ZCCHC7: variants seen among roughly 807,000 people sequenced by gnomAD.
The protein encoded by ZCCHC7 is zinc finger CCHC-type containing 7, also known as zinc finger CCHC domain-containing protein 7.
ZCCHC7 carries 35 observed loss-of-function variants against 52.0 expected under a neutral mutation model. That is an observed-to-expected ratio of 0.67 (90% confidence interval 0.51 to 0.89). ZCCHC7 has a LOEUF of 0.89. Among genes scored for constraint, ZCCHC7 ranks in the 40% least tolerant of loss-of-function variants. The pLI is 0.00. For missense variants in ZCCHC7, 574 were observed against 649.1 expected, an observed-to-expected ratio of 0.88 and a Z score of 1.26; for synonymous variants, 217 against 221.5, an observed-to-expected ratio of 0.98 and a Z score of 0.18.
At chr9:37,320,212 G>A (rs746751457) in intron 5 of ZCCHC7, among the ~76,000 whole-genome samples, 3 of 152,034 alleles carry the variant, frequency 2.0e-5, no homozygotes, top group Non-Finnish European at 4.4e-5. Context: ...TGAGTAGCTG[G>A]GATTACAGGC....
At chr9:37,211,977 A>C (rs1054870892) in intron 2 of ZCCHC7, among the ~76,000 whole-genome samples, 7 of 132,056 alleles carry the variant, frequency 5.3e-5, no homozygotes, top group Non-Finnish European at 9.4e-5. Flanking sequence ...CAGTGAGCCG[A>C]GATGGCGCCA....
intron 5 of ZCCHC7, among the ~76,000 whole-genome samples, chr9:37,307,647 C>T (rs1435371998): frequency 6.6e-6 from 1 of 151,774 alleles, no homozygotes; most frequent in East Asian, 1.9e-4. Flanking sequence ...TCTTACAGCC[C>T]TTTTTAATGC....
chr9:37,302,038 A>G, intron 2 of ZCCHC7, 150 bp from the exon 3 acceptor site: 1 of 646,748 alleles, frequency 1.5e-6, no homozygotes, highest in East Asian at 2.7e-5. Context: ...CATAATTAAT[A>G]ACAGAGCCAA....
chr9:37,278,539 G>T (rs1195040543), intron 2 of ZCCHC7, among the ~76,000 whole-genome samples: 6 of 152,128 alleles, frequency 3.9e-5, no homozygotes, highest in Non-Finnish European at 8.8e-5. Flanking sequence ...TGTGTCATTG[G>T]AGTCCCAGAA....
At chr9:37,194,518 T>G (rs1823185130) in intron 2 of ZCCHC7, among the ~76,000 whole-genome samples, 1 of 152,184 alleles carries the variant, frequency 6.6e-6, no homozygotes, top group African/African-American at 2.4e-5. Context: ...TGTGTGGGGT[T>G]AAGACAGACT....
intron 6 of ZCCHC7, among the ~76,000 whole-genome samples, chr9:37,341,607 G>C (rs1396439475): frequency 6.6e-6 from 1 of 152,118 alleles, no homozygotes; most frequent in Non-Finnish European, 1.5e-5. Flanking sequence ...GTTGAGTTTT[G>C]TTTGGTTGGT....
At chr9:37,328,537 T>G (rs1330040344) in intron 6 of ZCCHC7, among the ~76,000 whole-genome samples, 1 of 152,008 alleles carries the variant, frequency 6.6e-6, no homozygotes, top group Non-Finnish European at 1.5e-5. Context: ...CTTCTTTTAC[T>G]GTATTAAATA....
rs1481897426 is a variant in ZCCHC7, at chr9:37,126,293, A to G, written c.-21-19A>G. On this transcript the variant is annotated intron_variant, in intron 1 of 8. Transcript: ENST00000336755. ...TGAACTTTTAAAGTATATTCTGTGTACAACTTTCTCTTTTGCAGCTTCAAG... is the reference window on the plus strand; with the variant it reads ...TGAACTTTTAAAGTATATTCTGTGTGCAACTTTCTCTTTTGCAGCTTCAAG... 1.9e-6 allele frequency: 3 copies of G among 1,578,004 alleles called. No homozygotes were observed. The highest frequency in any genetic ancestry group is 1.8e-5 in the Admixed American group (1 of 54,882).
At chr9:37,289,069 C>CA (rs1828400389) in intron 2 of ZCCHC7, among the ~76,000 whole-genome samples, 1 of 152,128 alleles carries the variant, frequency 6.6e-6, no homozygotes, top group Admixed American at 6.5e-5. Flanking sequence ...TGTTCCTCTG[C>CA]ATTTTTTAGT....
chr9:37,123,221 G>C (rs1007337864), intron 1 of ZCCHC7, among the ~76,000 whole-genome samples: 1 of 126,742 alleles, frequency 7.9e-6, no homozygotes, highest in African/African-American at 2.6e-5. Flanking sequence ...GTGTGTGTGT[G>C]TGTGCGTGTG....
chr9:37,199,393 G>C (rs1823472775), intron 2 of ZCCHC7, among the ~76,000 whole-genome samples: 1 of 142,166 alleles, frequency 7.0e-6, no homozygotes, highest in Admixed American at 7.4e-5. Context: ...GTGCAATGGT[G>C]CGATCTCAGC....
chr9:37,254,994 C>A (rs1826514923), intron 2 of ZCCHC7, among the ~76,000 whole-genome samples: 1 of 151,614 alleles, frequency 6.6e-6, no homozygotes, highest in African/African-American at 2.4e-5. Flanking sequence ...ATCAGAAGAG[C>A]CTCTTGGGAT....
intron 5 of ZCCHC7, among the ~76,000 whole-genome samples, chr9:37,315,514 T>TAATC (rs1829778707): frequency 6.6e-6 from 1 of 152,068 alleles, no homozygotes; most frequent in African/African-American, 2.4e-5. Flanking sequence ...TATTATGAGC[T>TAATC]AATCAGCCTT....
intron 2 of ZCCHC7, among the ~76,000 whole-genome samples, chr9:37,182,384 C>T (rs1030984677): frequency 6.9e-6 from 1 of 145,048 alleles, no homozygotes; most frequent in African/African-American, 2.6e-5. Context: ...TGTAGTCTTG[C>T]TCTGTTGCCT....
At chr9:37,203,193 C>T (rs1250403809) in intron 2 of ZCCHC7, among the ~76,000 whole-genome samples, 2 of 152,152 alleles carry the variant, frequency 1.3e-5, no homozygotes, top group Admixed American at 6.5e-5. Flanking sequence ...TTACAGATTT[C>T]CTCATTTGTA....
intron 2 of ZCCHC7, among the ~76,000 whole-genome samples, chr9:37,206,219 G>A (rs572016596): frequency 1.9e-3 from 287 of 152,094 alleles, no homozygotes; most frequent in Admixed American, 4.3e-3. Flanking sequence ...TACTAAGCCA[G>A]AAAATTGATG....
intron 5 of ZCCHC7, among the ~76,000 whole-genome samples, chr9:37,312,932 C>T (rs978880487): frequency 6.6e-6 from 1 of 152,078 alleles, no homozygotes; most frequent in African/African-American, 2.4e-5. Flanking sequence ...AAAATGCCGC[C>T]TCCCCAACAA....
chr9:37,309,708 G>A (rs543102748), intron 5 of ZCCHC7, among the ~76,000 whole-genome samples: 39 of 152,142 alleles, frequency 2.6e-4, no homozygotes, highest in Non-Finnish European at 4.3e-4. Flanking sequence ...GATCACTTGA[G>A]GCCACAAGTT....
intron 2 of ZCCHC7, among the ~76,000 whole-genome samples, chr9:37,232,829 C>G (rs920191799): frequency 6.6e-6 from 1 of 152,074 alleles, no homozygotes; most frequent in African/African-American, 2.4e-5. Context: ...TTTGTTCTTT[C>G]GATGAAAGTG....
Sources: gnomAD v4.1 joint callset for allele counts (sites outside exome capture counted in the v4.1 genomes callset) on GRCh38, gnomAD v4.1.1 for gene constraint, MANE v1.5 for transcripts, NCBI Gene and HGNC (gene_info 2026-07-23, HGNC 2026-07-21) for gene names.